SPATA6L: variants seen among roughly 807,000 people sequenced by gnomAD.
The protein encoded by SPATA6L is spermatogenesis associated 6-like protein.
A neutral mutation model predicts 49.2 loss-of-function variants in SPATA6L; 68 were observed. The observed-to-expected ratio is 1.38, with a 90% CI of 1.14 to 1.69. The LOEUF is 1.69. SPATA6L is among the 40% of genes most tolerant of loss of function. The pLI, the probability that SPATA6L is intolerant of heterozygous loss-of-function variation, is 0.00. For synonymous variants in SPATA6L, 198 were observed against 165.7 expected, an observed-to-expected ratio of 1.19 and a Z score of -1.50; for missense variants, 668 against 464.3, an observed-to-expected ratio of 1.44 and a Z score of -4.03.
Position 4,662,365 on chromosome 9 carries a change from C to A in SPATA6L, c.40-329G>T, listed in dbSNP as rs71496487. Reference sequence around the variant, plus strand: ...TCCGGCCAGGTCCCGGGATCCGGGCCGCCAGCTGCGATGCCAAGTCCCCGG... The same window carrying A: ...TCCGGCCAGGTCCCGGGATCCGGGCAGCCAGCTGCGATGCCAAGTCCCCGG... On this transcript the variant is annotated intron_variant, in intron 1 of 11. Coordinates refer to ENST00000682582, the MANE Select transcript of SPATA6L (RefSeq NM_001353486.2). This position sits in a 1 kb window ranked among gnomAD's most constrained non-coding sequence, Gnocchi z 4.9. The A allele has an allele frequency of 0.022, 32,689 of 1,497,212 alleles. 444 individuals carry two copies. The highest frequency in any genetic ancestry group is 0.026 in the Non-Finnish European group (29,580 of 1,131,116). The allele number at this position is 1,497,212 out of a possible 1,614,324, so 92.7% of individuals were successfully genotyped here.
rs2130825953 is a variant in SPATA6L, at chr9:4,666,377, C to G, written c.-127G>C. 1 of 983,038 alleles carries G rather than the reference C, an allele frequency of 1.0e-6. No homozygotes were observed. Among genetic ancestry groups the G allele is most frequent in the African/African-American group, 1.6e-5 (1 of 62,838 alleles). The allele number at this position is 983,038 out of a possible 1,614,324, so 60.9% of individuals were successfully genotyped here. On this transcript the variant is annotated 5_prime_UTR_variant, in exon 1 of 12. Transcript: ENST00000682582. ...CCAGAAGCTTCCCCAGTCCCACGCC[C>G]TTGTTCCCCTACCGTCCCCCCCAGC... is the stretch of plus-strand genomic sequence containing the variant.
At chr9:4,618,378 C>A (rs184264670) in intron 8 of SPATA6L, among the ~76,000 whole-genome samples, 1 of 152,208 alleles carries the variant, frequency 6.6e-6, no homozygotes, top group East Asian at 1.9e-4. Flanking sequence ...ACTTTGATTT[C>A]TGAGGACTAG....
rs372118826 is a variant in SPATA6L at position 4,620,277 on chromosome 9, C to T, written c.773-1379G>A. Among the ~76,000 whole-genome samples the T allele has an allele frequency of 5.1e-5, 7 of 137,672 alleles. No individual in the cohort carries two copies. In the East Asian group the frequency reaches 8.1e-4, roughly 16 times the overall value. 90.3% of individuals were successfully genotyped at this position (137,672 alleles called of 152,430 possible). A position where few individuals can be genotyped will look rare whatever the true frequency, so the allele number is the denominator to read the frequency against. ...CTCATAACCTCCTTCCTCCTGTGGCCTCATAACCCTGTGGCCTCATAACCT... is the reference window on the plus strand; with the variant it reads ...CTCATAACCTCCTTCCTCCTGTGGCTTCATAACCCTGTGGCCTCATAACCT... On this transcript the variant is annotated intron_variant, in intron 7 of 11. Coordinates refer to ENST00000682582, the MANE Select transcript of SPATA6L (RefSeq NM_001353486.2).
intron 9 of SPATA6L, among the ~76,000 whole-genome samples, chr9:4,615,428 A>G (rs564900488): frequency 1.3e-5 from 2 of 152,260 alleles, no homozygotes; most frequent in South Asian, 4.1e-4. Flanking sequence ...CACATACTCA[A>G]TTCCAATCCC....
At chr9:4,660,179 T>C (rs988119358) in intron 2 of SPATA6L, among the ~76,000 whole-genome samples, 2 of 152,064 alleles carry the variant, frequency 1.3e-5, no homozygotes, top group Non-Finnish European at 2.9e-5. Context: ...AATTGACAAA[T>C]GGGATCTAAT....
At chr9:4,623,284 AAAATAATAATAAT>A (rs1456668480) in intron 6 of SPATA6L, among the ~76,000 whole-genome samples, 1 of 152,062 alleles carries the variant, frequency 6.6e-6, no homozygotes, top group Non-Finnish European at 1.5e-5. Context: ...CCGTCTCAAA[AAAATAATAATAAT>A]AAATAATAAT....
chr9:4,651,912 C>T (rs532490754), intron 3 of SPATA6L, among the ~76,000 whole-genome samples: 42 of 152,248 alleles, frequency 2.8e-4, no homozygotes, highest in African/African-American at 7.9e-4. Context: ...CTCACTTTCA[C>T]GGCTTCTATT....
intron 3 of SPATA6L, among the ~76,000 whole-genome samples, chr9:4,639,833 T>C (rs1322802737): frequency 2.0e-5 from 3 of 152,194 alleles, no homozygotes; most frequent in Admixed American, 6.5e-5. Flanking sequence ...CATGTCAGAA[T>C]TGACAGCGCG....
chr9:4,605,470 T>A (rs1286307185), intron 9 of SPATA6L, 30 bp from the exon 10 acceptor site: 1 of 1,519,744 alleles, frequency 6.6e-7, no homozygotes, highest in Admixed American at 1.7e-5. Flanking sequence ...GGGTGGAATA[T>A]TAAGCAGCTA....
chr9:4,617,517 A>G (rs1828284514), intron 9 of SPATA6L: 1 of 157,346 alleles, frequency 6.4e-6, no homozygotes, highest in African/African-American at 2.4e-5. Context: ...AAGCAAAGAA[A>G]TCATGTCTAG....
At position 4,605,379 on chromosome 9, in the gene SPATA6L, T is replaced by C. The variant is rs777497660; in HGVS notation, c.1057A>G (p.Thr353Ala). The C allele has an allele frequency of 1.2e-6, 2 of 1,613,998 alleles. No homozygotes were observed. Among genetic ancestry groups the C allele is most frequent in the South Asian group, 1.1e-5 (1 of 91,090 alleles). The change falls in exon 10 of 12, where the codon ACA becomes GCA. Residue 353 changes from threonine to alanine, a missense_variant. Thr to Ala is a moderately conservative substitution (Grantham distance 58). Transcript: ENST00000682582. ...TGGTGCAGCTGTGCTCTGTGGGATG[T>C]CAGAAGACTGCATACCCTCTCATGG... is the stretch of plus-strand genomic sequence containing the variant. ...NIHERVCSLL[T>A]SHRAQLHQNK...
chr9:4,650,131 C>T (rs552985989), intron 3 of SPATA6L, among the ~76,000 whole-genome samples: 1 of 152,282 alleles, frequency 6.6e-6, no homozygotes, highest in South Asian at 2.1e-4. Flanking sequence ...CCTATGCTAC[C>T]TCTGTAGGTA....
downstream of SPATA6L, among the ~76,000 whole-genome samples, chr9:4,594,922 C>T (rs1470453310): frequency 6.6e-6 from 1 of 152,160 alleles, no homozygotes; most frequent in African/African-American, 2.4e-5. Flanking sequence ...TTCTTCTCAA[C>T]ACCCACCTTG....
chr9:4,623,122 A>T (rs562580519), intron 6 of SPATA6L, among the ~76,000 whole-genome samples: 3 of 152,232 alleles, frequency 2.0e-5, no homozygotes, highest in Admixed American at 6.5e-5. Context: ...TCTACTAAAA[A>T]TACAAAAATT....
intron 1 of SPATA6L, chr9:4,663,019 C>A (rs1299453943): frequency 6.2e-7 from 1 of 1,613,728 alleles, no homozygotes. Flanking sequence ...TCGGGCCATG[C>A]CACAAGGGCC....
intron 10 of SPATA6L, 36 bp downstream of exon 10, chr9:4,605,311 A>T (rs141437494): frequency 1.3e-6 from 2 of 1,485,076 alleles, no homozygotes; most frequent in Non-Finnish European, 1.9e-6. Context: ...CATATTATTT[A>T]GTGAGCAAAG....
At chr9:4,638,988 C>T (rs1446246457) in intron 3 of SPATA6L, among the ~76,000 whole-genome samples, 2 of 152,098 alleles carry the variant, frequency 1.3e-5, no homozygotes, top group Non-Finnish European at 2.9e-5. Context: ...CCCTGCTCCA[C>T]CACTTACCAA....
intron 9 of SPATA6L, among the ~76,000 whole-genome samples, chr9:4,616,286 T>A (rs571986523): frequency 1.3e-4 from 19 of 151,876 alleles, no homozygotes; most frequent in South Asian, 4.2e-4. Context: ...CGAAAAAAAA[T>A]AATAATAATT....
intron 3 of SPATA6L, among the ~76,000 whole-genome samples, chr9:4,644,621 A>G (rs1382596605): frequency 6.6e-6 from 1 of 152,020 alleles, no homozygotes; most frequent in Non-Finnish European, 1.5e-5. Flanking sequence ...AATGCGTAAT[A>G]GCAGAGATCA....
Sources: gnomAD v4.1 joint callset for allele counts (sites outside exome capture counted in the v4.1 genomes callset) on GRCh38, gnomAD v4.1.1 for gene constraint, Gnocchi (gnomAD v3.1) non-coding constraint, MANE v1.5 for transcripts, NCBI Gene and HGNC (gene_info 2026-07-23, HGNC 2026-07-21) for gene names.